ASIC2: variants seen among roughly 807,000 people sequenced by gnomAD.
ASIC2 encodes acid-sensing ion channel 2.
Under a neutral mutation model 57.3 loss-of-function variants are expected in ASIC2, and 25 were observed. That is an observed-to-expected ratio of 0.44 (90% CI 0.32 to 0.61). The LOEUF (loss-of-function observed/expected upper bound fraction) is 0.61, where lower values mean the gene tolerates loss of function less well. Among genes scored for constraint, ASIC2 ranks in the 20% least tolerant of loss-of-function variants. The pLI is 0.06. For synonymous variants in ASIC2, 319 were observed against 307.5 expected, an observed-to-expected ratio of 1.04 and a Z score of -0.39; for missense variants, 641 against 738.1, an observed-to-expected ratio of 0.87 and a Z score of 1.52.
At chr17:33,857,014 G>T (rs902615169) in intron 1 of ASIC2, among the ~76,000 whole-genome samples, 3 of 152,106 alleles carry the variant, frequency 2.0e-5, no homozygotes, top group African/African-American at 7.2e-5. Flanking sequence ...AGGATAGATG[G>T]AGCTTGCTTT....
In ASIC2 at chr17:34,027,435, C is replaced by G. The variant is rs565648710; in HGVS notation, c.555+128543G>C. On this transcript the variant is annotated intron_variant, in intron 1 of 9. Transcript: ENST00000359872. ...CTTGTGTTAAGGAGGGATGCTGCCC[C>G]CCTATAACCATTTAGTTGCCACCTC... Among the ~76,000 whole-genome samples the G allele has an allele frequency of 6.6e-4, 100 of 152,220 alleles. 1 individual carries two copies. Among genetic ancestry groups the G allele is most frequent in the African/African-American group, 2.1e-3 (89 of 41,516 alleles).
In ASIC2 at chr17:34,038,544, G is replaced by A. The variant is rs28498241; in HGVS notation, c.555+117434C>T. On this transcript the variant is annotated intron_variant, in intron 1 of 9. Coordinates refer to the ASIC2 transcript ENST00000359872. ...CTGAAACCTCCTCTACCCAAAAGAT[G>A]TAACAACAAATATCTGTCATTTAGC... is the stretch of plus-strand genomic sequence containing the variant. 2,970 of 1,610,294 alleles carry A rather than the reference G, an allele frequency of 1.8e-3. 43 individuals are homozygous for A. In the African/African-American group the frequency reaches 0.034, roughly 18 times the overall value.
At chr17:33,318,260 C>T (rs920907752) in intron 1 of ASIC2, among the ~76,000 whole-genome samples, 4 of 152,212 alleles carry the variant, frequency 2.6e-5, no homozygotes, top group Admixed American at 6.5e-5. Flanking sequence ...TTTCTTCTCT[C>T]GTCTTTAACA....
chr17:34,123,146 G>A (rs1273700884), intron 1 of ASIC2, among the ~76,000 whole-genome samples: 2 of 152,108 alleles, frequency 1.3e-5, no homozygotes, highest in Admixed American at 6.5e-5. Context: ...CCTAGAACAT[G>A]GCCCTCTCCA....
chr17:33,921,606 C>T (rs944937746), intron 1 of ASIC2, among the ~76,000 whole-genome samples: 12 of 151,780 alleles, frequency 7.9e-5, no homozygotes, highest in African/African-American at 1.2e-4. Flanking sequence ...GTGGGGTGCA[C>T]GTGGAGAATT....
At chr17:33,178,364 T>C (rs1045185217) in intron 1 of ASIC2, among the ~76,000 whole-genome samples, 5 of 152,178 alleles carry the variant, frequency 3.3e-5, no homozygotes, top group Non-Finnish European at 5.9e-5. Context: ...AACTGTGTGG[T>C]ATGAAATGTG....
At chr17:33,389,870 G>A (rs961257541) in intron 1 of ASIC2, among the ~76,000 whole-genome samples, 2 of 152,156 alleles carry the variant, frequency 1.3e-5, no homozygotes, top group East Asian at 1.9e-4. Flanking sequence ...AAGGGTTGTG[G>A]GTAAATAACA....
At chr17:34,107,176 A>G (rs923457250) in intron 1 of ASIC2, among the ~76,000 whole-genome samples, 1 of 152,102 alleles carries the variant, frequency 6.6e-6, no homozygotes, top group African/African-American at 2.4e-5. Flanking sequence ...TTCTTTCACA[A>G]TGAGAACTTT....
chr17:33,466,581 C>G (rs1002349131), intron 1 of ASIC2, among the ~76,000 whole-genome samples: 1 of 152,300 alleles, frequency 6.6e-6, no homozygotes, highest in South Asian at 2.1e-4. Flanking sequence ...CATCACACTA[C>G]CTGACTTGAA....
chr17:33,868,477 G>T (rs971837698), intron 1 of ASIC2, among the ~76,000 whole-genome samples: 2 of 141,956 alleles, frequency 1.4e-5, no homozygotes, highest in African/African-American at 5.3e-5. Flanking sequence ...GATTTAAAAT[G>T]TAACAGCTAA....
At chr17:33,132,709 T>C (rs772608864) in intron 1 of ASIC2, among the ~76,000 whole-genome samples, 10 of 152,222 alleles carry the variant, frequency 6.6e-5, no homozygotes, top group Non-Finnish European at 1.2e-4. Flanking sequence ...TATTCCTGGG[T>C]CCTGGCTTTA....
chr17:33,215,673 C>T (rs73279797), intron 1 of ASIC2, among the ~76,000 whole-genome samples: 3,733 of 150,316 alleles, frequency 0.025, 153 homozygotes, highest in African/African-American at 0.086. Flanking sequence ...CTTTTAAATG[C>T]ATTTTCCCAA....
intron 3 of ASIC2, among the ~76,000 whole-genome samples, chr17:33,068,513 G>A (rs1279620777): frequency 7.2e-6 from 1 of 138,792 alleles, no homozygotes; most frequent in South Asian, 2.3e-4. Context: ...TGGGCAACAA[G>A]AGCGAAACTC....
chr17:33,896,822 C>A (rs552210294), intron 1 of ASIC2, among the ~76,000 whole-genome samples: 4 of 152,244 alleles, frequency 2.6e-5, no homozygotes, highest in Non-Finnish European at 5.9e-5. Context: ...ATGTCCCCAG[C>A]TTAGAAGGCA....
intron 1 of ASIC2, among the ~76,000 whole-genome samples, chr17:34,116,869 G>A (rs77534864): frequency 1.1e-4 from 16 of 152,128 alleles, no homozygotes; most frequent in South Asian, 6.2e-4. Context: ...GGAGGAGGGC[G>A]TATAATATGT....
At chr17:33,042,489 T>C (rs1184367653) in intron 3 of ASIC2, among the ~76,000 whole-genome samples, 2 of 152,240 alleles carry the variant, frequency 1.3e-5, no homozygotes, top group Non-Finnish European at 2.9e-5. Context: ...GGTATAAATA[T>C]AGCTGATATT....
At chr17:33,490,842 T>C (rs117294146) in intron 1 of ASIC2, among the ~76,000 whole-genome samples, 1,950 of 152,346 alleles carry the variant, frequency 0.013, 10 homozygotes, top group Middle Eastern at 0.02. Context: ...TTAGGTCAAA[T>C]CATCTGGCAT....
At chr17:33,288,626 G>A (rs1905289367) in intron 1 of ASIC2, among the ~76,000 whole-genome samples, 2 of 152,166 alleles carry the variant, frequency 1.3e-5, no homozygotes, top group South Asian at 2.1e-4. Context: ...CTGGGACAGA[G>A]CTTGAGGCCA....
intron 1 of ASIC2, among the ~76,000 whole-genome samples, chr17:33,489,361 G>A (rs1839928990): frequency 2.0e-5 from 3 of 152,220 alleles, no homozygotes; most frequent in Non-Finnish European, 4.4e-5. Context: ...AAGAAGTGAA[G>A]GGGTATGTCC....
Sources: allele counts gnomAD v4.1 joint callset (sites outside exome capture counted in the v4.1 genomes callset), GRCh38; gene constraint gnomAD v4.1.1; transcripts MANE v1.5; gene names NCBI Gene and HGNC (gene_info 2026-07-23, HGNC 2026-07-21).